CGA: variants seen among roughly 807,000 people sequenced by gnomAD.
CGA encodes glycoprotein hormones alpha chain.
CGA carries 4 observed loss-of-function variants against 12.0 expected under a neutral mutation model. The ratio of observed to expected loss-of-function variants is 0.33; its 90% confidence interval spans 0.16 to 0.76. The LOEUF is 0.76. CGA is among the 30% of genes least tolerant of loss of function. The pLI is 0.60. For missense variants in CGA, 102 were observed against 143.5 expected, an observed-to-expected ratio of 0.71 and a Z score of 1.48; for synonymous variants, 60 against 56.6, an observed-to-expected ratio of 1.06 and a Z score of -0.27.
chr6:87,086,816 G>A (rs557314867), intron 2 of CGA, among the ~76,000 whole-genome samples: 21 of 151,876 alleles, frequency 1.4e-4, no homozygotes, highest in Non-Finnish European at 7.4e-5. Flanking sequence ...GGTGGCTCAC[G>A]CCTGTAATCC....
intron 1 of CGA, among the ~76,000 whole-genome samples, chr6:87,090,122 A>G (rs1055056680): frequency 1.3e-5 from 2 of 152,182 alleles, no homozygotes; most frequent in African/African-American, 4.8e-5. Context: ...TCTACCTAAT[A>G]TATATATTTA....
Position 87,085,635 on chromosome 6 carries a change from C to A in CGA, c.*121G>T, listed in dbSNP as rs1030093809. On this transcript the variant is annotated 3_prime_UTR_variant, in exon 4 of 4. Transcript: ENST00000627148. ...GTAAAGCTGCAGTATATCCTTGAAGCGTGTCAAAGTGGTATGGTAAGGAAA... is the reference window on the plus strand; with the variant it reads ...GTAAAGCTGCAGTATATCCTTGAAGAGTGTCAAAGTGGTATGGTAAGGAAA... 1 of 695,762 alleles carries A rather than the reference C, an allele frequency of 1.4e-6. No individual in the cohort carries two copies. 43.1% of individuals were successfully genotyped at this position (695,762 alleles called of 1,614,324 possible).
At chr6:87,086,084 A>G (rs1769316612) in intron 3 of CGA, 166 bp downstream of exon 3, 19 of 685,792 alleles carry the variant, frequency 2.8e-5, no homozygotes, top group Non-Finnish European at 4.2e-5. Context: ...CCCACAAGAC[A>G]ATTGACTCTT....
intron 1 of CGA, among the ~76,000 whole-genome samples, chr6:87,094,014 G>T (rs568080487): frequency 2.6e-5 from 4 of 152,192 alleles, no homozygotes; most frequent in Admixed American, 2.6e-4. Context: ...CATGCAATTT[G>T]GTTGACCAAT....
At chr6:87,092,349 T>G (rs1357823575) in intron 1 of CGA, among the ~76,000 whole-genome samples, 1 of 152,134 alleles carries the variant, frequency 6.6e-6, no homozygotes, top group Non-Finnish European at 1.5e-5. Flanking sequence ...GTAGTGACAC[T>G]GGGCAAGTAG....
At chr6:87,089,796 C>A (rs6926846) in intron 1 of CGA, among the ~76,000 whole-genome samples, 92,568 of 151,968 alleles carry the variant, frequency 0.61, 28,434 homozygotes, top group East Asian at 0.69. Flanking sequence ...AAACATTTTG[C>A]GCACCAACAT....
chr6:87,091,552 G>A (rs1044792823), intron 1 of CGA, among the ~76,000 whole-genome samples: 14 of 152,134 alleles, frequency 9.2e-5, no homozygotes, highest in African/African-American at 3.1e-4. Flanking sequence ...TTTCACATGA[G>A]TATTTTCCGA....
At position 87,085,682 on chromosome 6, in the gene CGA, G is replaced by T; in HGVS notation, c.*74C>A. On this transcript the variant is annotated 3_prime_UTR_variant, in exon 4 of 4. Coordinates refer to ENST00000627148, the MANE Select transcript of CGA (RefSeq NM_000735.4). The stretch of plus-strand genomic sequence containing the variant: ...GAAAAGGAGAGTTTTATCTCACAAA[G>T]CCATAAACACTAAACAACTTAATTT... 2.0e-6 allele frequency: 2 copies of T among 1,010,702 alleles called. No homozygotes were observed. The highest frequency in any genetic ancestry group is 3.1e-6 in the Non-Finnish European group (2 of 647,814). 62.6% of individuals were successfully genotyped at this position (1,010,702 alleles called of 1,614,324 possible). A position where few individuals can be genotyped will look rare whatever the true frequency, so the allele number is the denominator to read the frequency against.
At position 87,092,561 on chromosome 6, in the gene CGA, A is replaced by AAGAGG. The variant is rs753687231; in HGVS notation, c.-8+2447_-8+2451dup. On this transcript the variant is annotated intron_variant, in intron 1 of 3. Transcript: ENST00000627148. Reference sequence around the variant, plus strand: ...AGAGAGAAAGAAAGAAAAAGAAAAGAAGAGGAGAGGAGAGGAGAGGGGAAG... The same window carrying AAGAGG: ...AGAGAGAAAGAAAGAAAAAGAAAAGAAGAGGAGAGGAGAGGAGAGGAGAGGGGAAG... Among the ~76,000 whole-genome samples, 164 of 151,376 alleles carry AAGAGG rather than the reference A, an allele frequency of 1.1e-3. 1 individual carries two copies. The highest frequency in any genetic ancestry group is 3.4e-3 in the Middle Eastern group (1 of 294).
chr6:87,090,213 A>G (rs1769406057), intron 1 of CGA, among the ~76,000 whole-genome samples: 1 of 152,174 alleles, frequency 6.6e-6, no homozygotes, highest in Non-Finnish European at 1.5e-5. Flanking sequence ...GTGGTTCTCA[A>G]AGTGTGATCT....
chr6:87,091,071 G>A (rs570806345), intron 1 of CGA, among the ~76,000 whole-genome samples: 3 of 152,248 alleles, frequency 2.0e-5, no homozygotes, highest in East Asian at 1.9e-4. Context: ...TATCATGTTT[G>A]TGCCTTAATA....
chr6:87,088,646 A>G (rs1769374192), intron 1 of CGA, among the ~76,000 whole-genome samples: 1 of 152,206 alleles, frequency 6.6e-6, no homozygotes, highest in Non-Finnish European at 1.5e-5. Context: ...GGATAAACAC[A>G]AAGTATTCAA....
intron 1 of CGA, among the ~76,000 whole-genome samples, chr6:87,093,895 T>C (rs1769486250): frequency 6.6e-6 from 1 of 152,130 alleles, no homozygotes; most frequent in Non-Finnish European, 1.5e-5. Flanking sequence ...AAAAAAATAA[T>C]AAACTTAAGA....
intron 2 of CGA, among the ~76,000 whole-genome samples, chr6:87,087,516 A>C: frequency 6.6e-6 from 1 of 152,252 alleles, no homozygotes; most frequent in East Asian, 1.9e-4. Flanking sequence ...GAAATATGTC[A>C]GAATTAAGAA....
At chr6:87,086,519 GTAA>G in intron 2 of CGA, 85 bp from the exon 3 acceptor site, 1 of 1,309,262 alleles carries the variant, frequency 7.6e-7, no homozygotes, top group African/African-American at 1.5e-5. Flanking sequence ...GCTCACGCCT[GTAA>G]TCCTAGCACT....
chr6:87,086,637 T>C (rs1213309392), intron 2 of CGA: 4 of 539,930 alleles, frequency 7.4e-6, no homozygotes, highest in Non-Finnish European at 1.3e-5. Flanking sequence ...ACAACAAAAA[T>C]TAGCCAGACG....
chr6:87,086,146 G>C, intron 3 of CGA, 104 bp downstream of exon 3: 2 of 1,011,072 alleles, frequency 2.0e-6, no homozygotes, highest in South Asian at 1.5e-5. Context: ...CTCGACAGAG[G>C]CTGGGTCATT....
chr6:87,092,873 G>T (rs547485056), intron 1 of CGA, among the ~76,000 whole-genome samples: 1 of 150,870 alleles, frequency 6.6e-6, no homozygotes, highest in African/African-American at 2.4e-5. Flanking sequence ...TTAGCCTCCC[G>T]GGTAACTGGG....
In CGA at chr6:87,085,703, A is replaced by C; in HGVS notation, c.*53T>G. ...CAAAGCCATAAACACTAAACAACTT[A>C]ATTTTCCATTCCAGAAAATCAGCAG... On this transcript the variant is annotated 3_prime_UTR_variant, in exon 4 of 4. Coordinates refer to ENST00000627148, the MANE Select transcript of CGA (RefSeq NM_000735.4). 7.9e-7 allele frequency: 1 copy of C among 1,269,158 alleles called. No individual in the cohort carries two copies. 78.6% of individuals were successfully genotyped at this position (1,269,158 alleles called of 1,614,324 possible).
Sources: gnomAD v4.1 joint callset for allele counts (sites outside exome capture counted in the v4.1 genomes callset) on GRCh38, gnomAD v4.1.1 for gene constraint, MANE v1.5 for transcripts, NCBI Gene and HGNC (gene_info 2026-07-23, HGNC 2026-07-21) for gene names.